The following SUSD1 variants were observed in gnomAD, a reference collection of about 807,000 sequenced individuals.
The protein encoded by SUSD1 is sushi domain containing 1.
In SUSD1, 65 loss-of-function variants were observed where a neutral mutation model predicts 86.9. That is an observed-to-expected ratio of 0.75 (90% CI 0.61 to 0.92). SUSD1 has a LOEUF of 0.92. Ranked by LOEUF, SUSD1 falls within the 40% of genes least tolerant of loss-of-function variation. SUSD1 has a pLI of 0.00. For missense variants in SUSD1, 850 were observed against 929.7 expected (o/e 0.91, Z 1.11); for synonymous variants, 346 against 350.0 (o/e 0.99, Z 0.13).
At chr9:112,136,553 G>A (rs1056329762) in intron 5 of SUSD1, among the ~76,000 whole-genome samples, 1 of 152,246 alleles carries the variant, frequency 6.6e-6, no homozygotes, top group East Asian at 1.9e-4. Flanking sequence ...TATTTCAAAT[G>A]AGCAAACATC....
chr9:112,049,653 C>A (rs543192957), intron 15 of SUSD1, among the ~76,000 whole-genome samples: 1 of 152,342 alleles, frequency 6.6e-6, no homozygotes, highest in Admixed American at 6.5e-5. Flanking sequence ...TAATTTAGAT[C>A]TCGGTTCTCT....
chr9:112,075,906 G>A (rs994934092), intron 12 of SUSD1, among the ~76,000 whole-genome samples: 4 of 152,204 alleles, frequency 2.6e-5, no homozygotes, highest in Non-Finnish European at 5.9e-5. Context: ...CCCAGGAAGT[G>A]TGAACTGCAG....
chr9:112,103,446 T>A (rs1193749203), intron 8 of SUSD1, among the ~76,000 whole-genome samples: 3 of 152,234 alleles, frequency 2.0e-5, no homozygotes, highest in Non-Finnish European at 4.4e-5. Flanking sequence ...AGTGTCTGCA[T>A]GTAAGAAATG....
chr9:112,168,803 A>G (rs567183622), intron 1 of SUSD1, among the ~76,000 whole-genome samples: 21 of 152,322 alleles, frequency 1.4e-4, no homozygotes, highest in Admixed American at 7.2e-4. Context: ...ACCCAACAGC[A>G]ACAATAACAA....
intron 7 of SUSD1, 119 bp from the exon 8 acceptor site, chr9:112,111,959 G>T: frequency 2.9e-6 from 3 of 1,031,460 alleles, no homozygotes; most frequent in Non-Finnish European, 4.2e-6. Flanking sequence ...CAGCCAGGGA[G>T]CATTCGTAAG....
At chr9:112,125,702 G>A (rs999895257) in intron 5 of SUSD1, among the ~76,000 whole-genome samples, 4 of 152,208 alleles carry the variant, frequency 2.6e-5, no homozygotes, top group Admixed American at 2.6e-4. Context: ...CTTTTATTGA[G>A]ATAACAGCAT....
At chr9:112,084,050 A>G (rs1485450333) in intron 10 of SUSD1, among the ~76,000 whole-genome samples, 1 of 152,228 alleles carries the variant, frequency 6.6e-6, no homozygotes, top group African/African-American at 2.4e-5. Flanking sequence ...TATGACCAAT[A>G]TGATGCATAG....
In SUSD1 at chr9:112,041,865, A is replaced by G. The variant is rs764911767; in HGVS notation, c.2243+2T>C. The G allele has an allele frequency of 3.1e-6, 5 of 1,612,950 alleles. No homozygotes were observed. Among genetic ancestry groups the G allele is most frequent in the African/African-American group, 1.3e-5 (1 of 74,810 alleles). On this transcript the variant is annotated splice_donor_variant, in intron 16 of 16. Coordinates refer to ENST00000374270, the MANE Select transcript of SUSD1 (RefSeq NM_022486.5). LOFTEE classifies it high-confidence loss of function. ...TTTCTCAAAAATGACACCCTCACAT[A>G]CCACACCGCTGAGAAGGAGAGGAAT...
Position 112,078,643 on chromosome 9 carries a change from G to A in SUSD1, c.1648C>T (p.Pro550Ser). The A allele has an allele frequency of 1.9e-6, 3 of 1,614,080 alleles. No homozygotes were observed. Among genetic ancestry groups the A allele is most frequent in the Non-Finnish European group, 2.5e-6 (3 of 1,179,984 alleles). ...GGACGTAGGTCCAAGCACACCTCGGGATCTCGGCTGCTGCTACTGATATTA... is the reference window on the plus strand; with the variant it reads ...GGACGTAGGTCCAAGCACACCTCGGAATCTCGGCTGCTGCTACTGATATTA... ...TFNISSSSRD[P>S]EVCLDLRPGT... The change falls in exon 12 of 17, where the codon CCC (proline) becomes TCC (serine). Residue 550 changes from proline to serine, a missense_variant. Pro to Ser is a moderately conservative substitution (Grantham distance 74). Coordinates refer to ENST00000374270, the MANE Select transcript of SUSD1 (RefSeq NM_022486.5).
intron 15 of SUSD1, among the ~76,000 whole-genome samples, chr9:112,049,831 T>C (rs888524761): frequency 6.6e-6 from 1 of 152,200 alleles, no homozygotes; most frequent in Non-Finnish European, 1.5e-5. Context: ...AGATTTCCAG[T>C]GGTTTAATTT....
intron 4 of SUSD1, among the ~76,000 whole-genome samples, chr9:112,143,119 G>C (rs985482296): frequency 1.3e-5 from 2 of 150,184 alleles, no homozygotes; most frequent in African/African-American, 4.9e-5. Flanking sequence ...TGAGTAGCTG[G>C]GATTACAGGT....
chr9:112,133,808 A>C (rs1382214634), intron 5 of SUSD1, among the ~76,000 whole-genome samples: 2 of 152,228 alleles, frequency 1.3e-5, no homozygotes, highest in African/African-American at 4.8e-5. Flanking sequence ...AATATTTACA[A>C]CCTATGCATC....
intron 14 of SUSD1, 33 bp downstream of exon 14, chr9:112,058,395 A>G: frequency 3.8e-6 from 6 of 1,596,986 alleles, no homozygotes; most frequent in Non-Finnish European, 5.1e-6. Context: ...AGAAGAAAAT[A>G]CAGAGTTCAC....
At chr9:112,172,861 C>T (rs1834102271) in intron 1 of SUSD1, among the ~76,000 whole-genome samples, 1 of 152,232 alleles carries the variant, frequency 6.6e-6, no homozygotes, top group Non-Finnish European at 1.5e-5. Context: ...TCTTTCCCTA[C>T]ATTGTCGACT....
At chr9:112,058,389 GA>G (rs1389960642) in intron 14 of SUSD1, 38 bp downstream of exon 14, 1 of 1,592,042 alleles carries the variant, frequency 6.3e-7, no homozygotes, top group Admixed American at 1.8e-5. Flanking sequence ...ATACGAAGAA[GA>G]AAATACAGAG....
At chr9:112,077,240 C>T (rs1829556176) in intron 12 of SUSD1, among the ~76,000 whole-genome samples, 1 of 152,134 alleles carries the variant, frequency 6.6e-6, no homozygotes, top group South Asian at 2.1e-4. Flanking sequence ...GGCAGCCTTA[C>T]ACACGAGCAG....
At chr9:112,043,256 A>T (rs1375341025) in intron 15 of SUSD1, among the ~76,000 whole-genome samples, 8 of 152,232 alleles carry the variant, frequency 5.3e-5, no homozygotes, top group Admixed American at 6.5e-5. Context: ...CCTAGGGCTA[A>T]CATCACTATT....
intron 1 of SUSD1, among the ~76,000 whole-genome samples, chr9:112,165,082 A>T (rs982107366): frequency 1.3e-5 from 2 of 152,242 alleles, no homozygotes; most frequent in Non-Finnish European, 2.9e-5. Context: ...GGTGGATCAC[A>T]TTTTGAGTAG....
intron 10 of SUSD1, among the ~76,000 whole-genome samples, chr9:112,096,600 C>T (rs2484269): frequency 0.1 from 15,319 of 152,188 alleles, 1,006 homozygotes; most frequent in Non-Finnish European, 0.15. Flanking sequence ...AGTGCAGTGG[C>T]GCAATCTCGG....
Sources: gnomAD v4.1 joint callset for allele counts (sites outside exome capture counted in the v4.1 genomes callset) on GRCh38, gnomAD v4.1.1 for gene constraint, MANE v1.5 for transcripts, NCBI Gene and HGNC (gene_info 2026-07-23, HGNC 2026-07-21) for gene names.